The following SF3A2 variants were observed in gnomAD, a reference collection of about 807,000 sequenced individuals.
SF3A2 encodes SAP 62.
In SF3A2, 5 loss-of-function variants were observed where a neutral mutation model predicts 31.1. The ratio of observed to expected loss-of-function variants is 0.16; its 90% CI spans 0.08 to 0.34. The LOEUF (loss-of-function observed/expected upper bound fraction) is 0.34. Ranked by LOEUF, SF3A2 falls within the 10% of genes least tolerant of loss-of-function variation. The pLI, the probability that SF3A2 is intolerant of heterozygous loss-of-function variation, is 1.00. For missense variants in SF3A2, 577 were observed against 643.9 expected (o/e 0.90, Z 1.13); for synonymous variants, 365 against 263.7 (o/e 1.38, Z -3.72).
At chr19:2,236,929 C>T (rs3761022) in intron 1 of SF3A2, 28 bp downstream of exon 1, 10,427 of 152,240 alleles carry the variant, frequency 0.068, 701 homozygotes, top group African/African-American at 0.16. Flanking sequence ...TTGAGGGCGG[C>T]GGCCGACGCG....
chr19:2,244,238 G>A (rs2024913707), intron 2 of SF3A2, among the ~76,000 whole-genome samples: 1 of 150,088 alleles, frequency 6.7e-6, no homozygotes, highest in Admixed American at 6.6e-5. Flanking sequence ...GTGACCGGCG[G>A]TGCTGTCCTG....
chr19:2,246,242 G>T lies in SF3A2; in HGVS notation c.356-511G>T, dbSNP rs2024931516. Among the ~76,000 whole-genome samples, 1 of 151,992 alleles carries T rather than the reference G, an allele frequency of 6.6e-6. No individual in the cohort carries two copies. ...GGCTTGGGCTCAGGACGGTGAGGCGGCAGAGGGCTTGTGAGTGTGCGTGTC... is the reference window on the plus strand; with the variant it reads ...GGCTTGGGCTCAGGACGGTGAGGCGTCAGAGGGCTTGTGAGTGTGCGTGTC... On this transcript the variant is annotated intron_variant, in intron 5 of 8. Coordinates refer to ENST00000221494, the MANE Select transcript of SF3A2 (RefSeq NM_007165.5). The surrounding 1 kb of genome is among the most constrained non-coding windows in gnomAD (Gnocchi z 5.5).
In SF3A2 at chr19:2,247,589, C is replaced by T; in HGVS notation, c.547-5C>T. 6.2e-7 allele frequency: 1 copy of T among 1,613,214 alleles called. No individual in the cohort carries two copies. On this transcript the variant is annotated splice_region_variant and splice_polypyrimidine_tract_variant and intron_variant, in intron 7 of 8. Transcript: ENST00000221494. ...AGGAGCCCTCTCTGTCCCCCGCCCT[C>T]CCAGGTGCCGAGCAGAGAGATCGAC... is the stretch of plus-strand genomic sequence containing the variant.
rs1439117686 is a variant in SF3A2 at position 2,247,957 on chromosome 19, C to T, written c.806C>T (p.Pro269Leu). The T allele has an allele frequency of 1.5e-6, 2 of 1,336,344 alleles. No individual in the cohort carries two copies. The highest frequency in any genetic ancestry group is 1.0e-6 in the Non-Finnish European group (1 of 955,668). 82.8% of individuals were successfully genotyped at this position (1,336,344 alleles called of 1,614,324 possible). Residue 269 changes from proline to leucine, a missense_variant, in exon 9 of 9, where the codon CCT (proline) becomes CTT (leucine). This residue lies in a region of SF3A2 where 462 missense variants were observed against 339.1 expected (regional missense o/e 1.36). Transcript: ENST00000221494. ...LPLPPMPPTGPAPSGPPGPPQ... is the reference protein window; with the variant it reads ...LPLPPMPPTGLAPSGPPGPPQ... ...CTGCCACCCATGCCCCCCACAGGGC[C>T]TGCGCCCTCAGGGCCCCCGGGACCA...
rs766641607 is a variant in SF3A2, at chr19:2,248,578, C to T, written c.*32C>T. 4 of 678,314 alleles carry T rather than the reference C, an allele frequency of 5.9e-6. No homozygotes were observed. The highest frequency in any genetic ancestry group is 8.8e-6 in the Non-Finnish European group (4 of 454,332). The allele number at this position is 678,314 out of a possible 1,614,324, so 42.0% of individuals were successfully genotyped here. ...GCTCCCTCCCCCAGCAAGCCCAGCG[C>T]CAGGTGCTCTTGCCTTTTCCCACTG... On this transcript the variant is annotated 3_prime_UTR_variant, in exon 9 of 9. Transcript: ENST00000221494.
At chr19:2,239,367 A>G (rs2024869148) in intron 1 of SF3A2, among the ~76,000 whole-genome samples, 1 of 152,032 alleles carries the variant, frequency 6.6e-6, no homozygotes, top group Non-Finnish European at 1.5e-5. Context: ...AAAAAAAAAA[A>G]AAAAAAAAGA....
In SF3A2 at chr19:2,248,153, T is replaced by C. The variant is rs59267791; in HGVS notation, c.1002T>C (p.Pro334=). ...CCTCTGGGGTCCACCCCCCAGCTCC[T>C]GGAGTCCACCCTCCAGCCCCCGGGG... is the stretch of plus-strand genomic sequence containing the variant. The part of the protein sequence containing the change: ...PPTSGVHPPA[P]GVHPPAPGVH... Residue 334 remains proline, a synonymous_variant, in exon 9 of 9, where the codon CCT becomes CCC. Transcript: ENST00000221494. 0.025 allele frequency: 33,546 copies of C among 1,335,366 alleles called. 1,408 individuals are homozygous for C. Among genetic ancestry groups the C allele is most frequent in the African/African-American group, 0.14 (9,028 of 62,572 alleles). The allele number at this position is 1,335,366 out of a possible 1,614,324, so 82.7% of individuals were successfully genotyped here.
chr19:2,244,523 G>T, intron 2 of SF3A2, 21 bp from the exon 3 acceptor site: 1 of 1,606,202 alleles, frequency 6.2e-7, no homozygotes, highest in Non-Finnish European at 8.5e-7. Flanking sequence ...TGTCTAACGG[G>T]CCCCTGTTCT....
In SF3A2 at chr19:2,247,919, A is replaced by G. The variant is rs776467242; in HGVS notation, c.768A>G (p.Pro256=). 10 of 1,491,178 alleles carry G rather than the reference A, an allele frequency of 6.7e-6. No homozygotes were observed. Among genetic ancestry groups the G allele is most frequent in the Middle Eastern group, 3.8e-4 (2 of 5,294 alleles). 92.4% of individuals were successfully genotyped at this position (1,491,178 alleles called of 1,614,324 possible). A position where few individuals can be genotyped will look rare whatever the true frequency, so the allele number is the denominator to read the frequency against. Residue 256 remains proline, a synonymous_variant, in exon 9 of 9, where the codon CCA becomes CCG. Transcript: ENST00000221494. ...PLPESLPPPP[P]GGLPLPPMPP... is the part of the protein sequence containing the mutation. ...CTGAGTCTTTGCCACCGCCCCCGCC[A>G]GGAGGCCTGCCTCTGCCACCCATGC...
chr19:2,243,931 T>G (rs1461226493), intron 2 of SF3A2, among the ~76,000 whole-genome samples: 1 of 152,148 alleles, frequency 6.6e-6, no homozygotes, highest in East Asian at 1.9e-4. Flanking sequence ...GGAGCACTCT[T>G]TGTGTACCCT....
At chr19:2,240,325 C>A (rs1368029843) in intron 1 of SF3A2, among the ~76,000 whole-genome samples, 1 of 152,212 alleles carries the variant, frequency 6.6e-6, no homozygotes, top group Non-Finnish European at 1.5e-5. Flanking sequence ...TCTGCTGGGC[C>A]TGTCTCTCTA....
chr19:2,240,907 G>C (rs1176173682), intron 1 of SF3A2, among the ~76,000 whole-genome samples: 2 of 152,250 alleles, frequency 1.3e-5, no homozygotes, highest in Non-Finnish European at 2.9e-5. Flanking sequence ...AGCGCAGGTC[G>C]CTCCTGAGGC....
rs757384556 is a variant in SF3A2, at chr19:2,248,260, C to T, written c.1109C>T (p.Ala370Val). ...PAPGVHPPPS[A>V]GVHPQAPGVH... Reference sequence around the variant, plus strand: ...CCAGGGGTCCATCCTCCCCCATCAGCGGGGGTTCACCCCCAGGCCCCGGGG... The same window carrying T: ...CCAGGGGTCCATCCTCCCCCATCAGTGGGGGTTCACCCCCAGGCCCCGGGG... The change falls in exon 9 of 9, where the codon GCG becomes GTG. Residue 370 changes from alanine to valine, a missense_variant. Physicochemically the swap from Ala to Val is moderately conservative, Grantham distance 64. Coordinates refer to ENST00000221494, the MANE Select transcript of SF3A2 (RefSeq NM_007165.5). 5.6e-5 allele frequency: 79 copies of T among 1,406,968 alleles called. No individual in the cohort carries two copies. The South Asian group carries it at 6.0e-4, about 11-fold the overall frequency. 87.2% of individuals were successfully genotyped at this position (1,406,968 alleles called of 1,614,324 possible). A position where few individuals can be genotyped will look rare whatever the true frequency, so the allele number is the denominator to read the frequency against.
intron 1 of SF3A2, among the ~76,000 whole-genome samples, chr19:2,239,373 A>G (rs1568387694): frequency 6.7e-6 from 1 of 149,544 alleles, no homozygotes; most frequent in East Asian, 2.0e-4. Flanking sequence ...AAAAAAAAAA[A>G]AAGAGAGAGA....
chr19:2,243,262 G>C, intron 1 of SF3A2, 120 bp from the exon 2 acceptor site: 1 of 764,048 alleles, frequency 1.3e-6, no homozygotes, highest in Admixed American at 3.9e-5. Context: ...TTAGACCCTG[G>C]CGCTGGGAGT....
At chr19:2,238,653 C>T (rs2024861719) in intron 1 of SF3A2, among the ~76,000 whole-genome samples, 1 of 152,228 alleles carries the variant, frequency 6.6e-6, no homozygotes, top group Non-Finnish European at 1.5e-5. Flanking sequence ...AGCTAATTAA[C>T]TTTGTTTTTA....
Position 2,246,278 on chromosome 19 carries a change from T to A in SF3A2, c.356-475T>A, listed in dbSNP as rs2024931926. 6.6e-6 allele frequency among the ~76,000 whole-genome samples: 1 copy of A among 151,170 alleles called. No homozygotes were observed. Among genetic ancestry groups the A allele is most frequent in the Non-Finnish European group, 1.5e-5 (1 of 67,712 alleles). ...GTGAGTGTGCGTGTCTGAGGCCGCA[T>A]GGAGAGTGGCCGGGCGGCAGGCAGC... On this transcript the variant is annotated intron_variant, in intron 5 of 8. Coordinates refer to ENST00000221494, the MANE Select transcript of SF3A2 (RefSeq NM_007165.5). The surrounding 1 kb of genome is among the most constrained non-coding windows in gnomAD (Gnocchi z 5.5).
intron 1 of SF3A2, among the ~76,000 whole-genome samples, chr19:2,240,295 C>T (rs1275179817): frequency 6.6e-6 from 1 of 152,254 alleles, no homozygotes; most frequent in Non-Finnish European, 1.5e-5. Context: ...CCTTTTCAGC[C>T]TGACCCTGGA....
At chr19:2,241,515 C>T (rs962679209) in intron 1 of SF3A2, among the ~76,000 whole-genome samples, 4 of 152,214 alleles carry the variant, frequency 2.6e-5, no homozygotes, top group African/African-American at 2.4e-5. Flanking sequence ...CCTGTCCGGG[C>T]GGCACCCACA....
Sources: gnomAD v4.1 joint callset for allele counts (sites outside exome capture counted in the v4.1 genomes callset) on GRCh38, gnomAD v4.1.1 for gene constraint, gnomAD v4.1.1 regional missense constraint, Gnocchi (gnomAD v3.1) non-coding constraint, MANE v1.5 for transcripts, NCBI Gene and HGNC (gene_info 2026-07-23, HGNC 2026-07-21) for gene names.